Variants in LTBP1 observed in about 807,000 individuals in gnomAD.
The protein encoded by LTBP1 is latent-transforming growth factor beta-binding protein 1.
Under a neutral mutation model 207.6 loss-of-function variants are expected in LTBP1, and 129 were observed. The ratio of observed to expected loss-of-function variants is 0.62; its 90% CI spans 0.54 to 0.72. The LOEUF (loss-of-function observed/expected upper bound fraction) is 0.72. Among genes scored for constraint, LTBP1 ranks in the 30% least tolerant of loss-of-function variants. The pLI, the probability that LTBP1 is intolerant of heterozygous loss-of-function variation, is 0.00. For missense variants in LTBP1, 2,281 were observed against 2,217.2 expected (o/e 1.03, Z -0.58); for synonymous variants, 963 against 833.7 (o/e 1.16, Z -2.67).
chr2:33,366,608 CTGAGT>C (rs1184598806), intron 31 of LTBP1, among the ~76,000 whole-genome samples: 2 of 152,208 alleles, frequency 1.3e-5, no homozygotes, highest in Non-Finnish European at 2.9e-5. Context: ...CCAGTTGGCA[CTGAGT>C]CTGGAATCCA....
rs572670547 is a variant in LTBP1, at chr2:33,167,175, G to A, written c.1202-19681G>A. On this transcript the variant is annotated intron_variant, in intron 5 of 33. Transcript: ENST00000404816. The stretch of plus-strand genomic sequence containing the variant: ...GTGCCAAAAAAAGAATTATTTGCAT[G>A]AAAATTAAGATGAATAATTTGGAAA... 2.0e-5 allele frequency among the ~76,000 whole-genome samples: 3 copies of A among 152,240 alleles called. No homozygotes were observed. In the South Asian group the frequency reaches 6.2e-4, roughly 32 times the overall value.
rs143274887 is a variant in LTBP1 at position 33,391,264 on chromosome 2, G to A, written c.4834+1958G>A. 4.9e-3 allele frequency among the ~76,000 whole-genome samples: 605 copies of A among 122,360 alleles called. 18 individuals are homozygous for A. The Admixed American group carries it at 0.053, about 11-fold the overall frequency. The allele number at this position is 122,360 out of a possible 152,430, so 80.3% of individuals were successfully genotyped here. ...TGCCTTTTCCCACCCCCCTCCCTAGGGTAACCACTATCCTGACTCCTAACA... is the reference window on the plus strand; with the variant it reads ...TGCCTTTTCCCACCCCCCTCCCTAGAGTAACCACTATCCTGACTCCTAACA... On this transcript the variant is annotated intron_variant, in intron 32 of 33. Coordinates refer to ENST00000404816, the MANE Select transcript of LTBP1 (RefSeq NM_206943.4).
At chr2:32,980,229 CTTTCT>C (rs1682559539) in intron 2 of LTBP1, among the ~76,000 whole-genome samples, 1 of 152,014 alleles carries the variant, frequency 6.6e-6, no homozygotes, top group African/African-American at 2.4e-5. Context: ...GCCTTCTCTT[CTTTCT>C]TTTCTTTCTG....
chr2:32,982,620 G>T (rs531116564), intron 2 of LTBP1, among the ~76,000 whole-genome samples: 24 of 152,320 alleles, frequency 1.6e-4, no homozygotes, highest in African/African-American at 5.1e-4. Context: ...GCTAGGTCCA[G>T]GACTCCCCTG....
chr2:33,039,576 T>C (rs2076087329), intron 3 of LTBP1, among the ~76,000 whole-genome samples: 1 of 152,238 alleles, frequency 6.6e-6, no homozygotes, highest in Admixed American at 6.5e-5. Context: ...AAAATATCTT[T>C]TGTAACCAAA....
chr2:33,227,062 A>T (rs1215525234), intron 9 of LTBP1, among the ~76,000 whole-genome samples: 11 of 147,210 alleles, frequency 7.5e-5, no homozygotes, highest in African/African-American at 2.8e-4. Flanking sequence ...TTTGAGACGG[A>T]GTCTTGTTTG....
chr2:32,952,247 T>C (rs1325697013), intron 2 of LTBP1, among the ~76,000 whole-genome samples: 2 of 152,180 alleles, frequency 1.3e-5, no homozygotes, highest in Admixed American at 6.5e-5. Flanking sequence ...GAACCTTAAA[T>C]TGCAAATCAG....
chr2:32,947,209 T>C lies in LTBP1; in HGVS notation c.-116T>C. 1 of 810,698 alleles carries C rather than the reference T, an allele frequency of 1.2e-6. No homozygotes were observed. The highest frequency in any genetic ancestry group is 1.6e-6 in the Non-Finnish European group (1 of 612,276). The allele number at this position is 810,698 out of a possible 1,614,324, so 50.2% of individuals were successfully genotyped here. A position where few individuals can be genotyped will look rare whatever the true frequency, so the allele number is the denominator to read the frequency against. ...GCCACCGACTTGGTCTCCTCCCGCCTTTCCCGGGCTCTCGGCAGCTCTCGG... is the reference window on the plus strand; with the variant it reads ...GCCACCGACTTGGTCTCCTCCCGCCCTTCCCGGGCTCTCGGCAGCTCTCGG... On this transcript the variant is annotated 5_prime_UTR_variant, in exon 1 of 34. Coordinates refer to ENST00000404816, the MANE Select transcript of LTBP1 (RefSeq NM_206943.4).
chr2:33,055,160 GT>G (rs2076930602), intron 3 of LTBP1, among the ~76,000 whole-genome samples: 1 of 152,130 alleles, frequency 6.6e-6, no homozygotes, highest in African/African-American at 2.4e-5. Flanking sequence ...AGGTTGCAAG[GT>G]TTAACGATGC....
intron 5 of LTBP1, among the ~76,000 whole-genome samples, chr2:33,186,134 G>C (rs909880039): frequency 6.6e-6 from 1 of 152,084 alleles, no homozygotes; most frequent in Non-Finnish European, 1.5e-5. Context: ...TTCCTATAAA[G>C]TATGATTCAA....
chr2:33,390,883 CCT>C (rs1412421887), intron 32 of LTBP1, among the ~76,000 whole-genome samples: 1 of 152,014 alleles, frequency 6.6e-6, no homozygotes, highest in East Asian at 1.9e-4. Flanking sequence ...TGTCCTGGGC[CCT>C]GTCACCTGTG....
At chr2:33,366,196 C>CT (rs1444040012) in intron 31 of LTBP1, among the ~76,000 whole-genome samples, 2 of 152,118 alleles carry the variant, frequency 1.3e-5, no homozygotes, top group African/African-American at 4.8e-5. Context: ...GCTAATTTCC[C>CT]TTTTTTACCA....
intron 20 of LTBP1, among the ~76,000 whole-genome samples, chr2:33,297,142 T>C (rs1174553314): frequency 6.6e-6 from 1 of 152,200 alleles, no homozygotes; most frequent in African/African-American, 2.4e-5. Context: ...GGAAACAGCA[T>C]ATGCCAAAGC....
At chr2:33,100,455 C>T (rs2079655024) in intron 3 of LTBP1, among the ~76,000 whole-genome samples, 1 of 151,468 alleles carries the variant, frequency 6.6e-6, no homozygotes, top group Non-Finnish European at 1.5e-5. Flanking sequence ...TTCTTTTTCC[C>T]TCATTCACTG....
In LTBP1 at chr2:33,021,171, G is replaced by A; in HGVS notation, c.828G>A (p.Lys276=). 1 of 1,607,654 alleles carries A rather than the reference G, an allele frequency of 6.2e-7. No individual in the cohort carries two copies. The change falls in exon 3 of 34, where the codon AAG becomes AAA. Residue 276 remains lysine, a synonymous_variant. Transcript: ENST00000404816. ...VAQMTLTLKP[K]PSVGLPQQIH... is the part of the protein sequence containing the mutation. The stretch of plus-strand genomic sequence containing the variant: ...AGATGACCTTAACCCTCAAGCCGAA[G>A]CCTTCAGTGGGACTCCCCCAGCAGA...
chr2:33,207,849 T>G (rs1222042840), intron 7 of LTBP1, among the ~76,000 whole-genome samples: 1 of 152,350 alleles, frequency 6.6e-6, no homozygotes, highest in South Asian at 2.1e-4. Flanking sequence ...GAGCCATAGT[T>G]GATTCAGGGG....
intron 5 of LTBP1, among the ~76,000 whole-genome samples, chr2:33,167,582 T>G (rs1468914328): frequency 6.6e-6 from 1 of 152,074 alleles, no homozygotes; most frequent in Non-Finnish European, 1.5e-5. Context: ...TGGCAGGGAG[T>G]GGGAGCTTCC....
chr2:32,962,174 CAAT>C (rs201157161), intron 2 of LTBP1, among the ~76,000 whole-genome samples: 2,849 of 152,162 alleles, frequency 0.019, 86 homozygotes, highest in African/African-American at 0.065. Flanking sequence ...AGTTTACCAA[CAAT>C]GTCTCTGGTA....
intron 4 of LTBP1, among the ~76,000 whole-genome samples, chr2:33,118,869 CT>C (rs1419700417): frequency 1.6e-4 from 24 of 152,278 alleles, no homozygotes; most frequent in African/African-American, 5.1e-4. Flanking sequence ...TCTTTGCCCC[CT>C]GATAGGCCAC....
Sources: gnomAD v4.1 joint callset for allele counts (sites outside exome capture counted in the v4.1 genomes callset) on GRCh38, gnomAD v4.1.1 for gene constraint, MANE v1.5 for transcripts, NCBI Gene and HGNC (gene_info 2026-07-23, HGNC 2026-07-21) for gene names.